Variants in EPHA6 observed in about 807,000 individuals in gnomAD.
The protein encoded by EPHA6 is EPH receptor A6, also known as ephrin type-A receptor 6.
In EPHA6, 50 loss-of-function variants were observed where a neutral mutation model predicts 112.0. That is an observed-to-expected ratio of 0.45 (90% CI 0.36 to 0.56). The LOEUF is 0.56. Ranked by LOEUF, EPHA6 falls within the 20% of genes least tolerant of loss-of-function variation. The pLI is 0.00. For missense variants in EPHA6, 1,280 were observed against 1,417.4 expected, an observed-to-expected ratio of 0.90 and a Z score of 1.56; for synonymous variants, 529 against 490.7, an observed-to-expected ratio of 1.08 and a Z score of -1.03.
At chr3:97,614,913 A>G (rs1160834565) in intron 13 of EPHA6, among the ~76,000 whole-genome samples, 1 of 152,136 alleles carries the variant, frequency 6.6e-6, no homozygotes, top group Non-Finnish European at 1.5e-5. Context: ...AATTTTGGTC[A>G]TGTTGCATTT....
intron 2 of EPHA6, 126 bp downstream of exon 2, chr3:96,867,015 A>C (rs1559785242): frequency 4.2e-6 from 2 of 472,910 alleles, no homozygotes; most frequent in Non-Finnish European, 3.7e-6. Context: ...CATCCCATAG[A>C]AAAGGTTAAA....
At chr3:97,409,503 G>A (rs1227837698) in intron 6 of EPHA6, among the ~76,000 whole-genome samples, 1 of 152,030 alleles carries the variant, frequency 6.6e-6, no homozygotes, top group Non-Finnish European at 1.5e-5. Flanking sequence ...TGTTAAAACT[G>A]GCCATCATAC....
At chr3:97,039,580 A>G (rs1299810255) in intron 3 of EPHA6, among the ~76,000 whole-genome samples, 2 of 152,002 alleles carry the variant, frequency 1.3e-5, no homozygotes, top group African/African-American at 2.4e-5. Flanking sequence ...GTGGAATATT[A>G]TGAGTATATG....
At chr3:97,525,844 G>C (rs2092611234) in intron 10 of EPHA6, among the ~76,000 whole-genome samples, 1 of 152,122 alleles carries the variant, frequency 6.6e-6, no homozygotes, top group Non-Finnish European at 1.5e-5. Context: ...CTTTGGGTCT[G>C]GATCTGGGAT....
intron 2 of EPHA6, among the ~76,000 whole-genome samples, chr3:96,976,092 A>G (rs573620878): frequency 8.7e-4 from 132 of 152,310 alleles, no homozygotes; most frequent in African/African-American, 3.2e-3. Flanking sequence ...TTGTACATTT[A>G]CCAGGTTTAT....
intron 11 of EPHA6, among the ~76,000 whole-genome samples, chr3:97,591,284 T>C (rs1013797650): frequency 1.3e-5 from 2 of 152,194 alleles, no homozygotes; most frequent in African/African-American, 4.8e-5. Flanking sequence ...TCTTTACCAA[T>C]AACGTTCTCC....
intron 2 of EPHA6, among the ~76,000 whole-genome samples, chr3:96,936,682 A>T (rs976490054): frequency 5.9e-5 from 9 of 152,142 alleles, no homozygotes; most frequent in African/African-American, 2.2e-4. Context: ...ATACGTACAC[A>T]TGTGCCATGT....
At chr3:97,145,655 A>G (rs1270010740) in intron 3 of EPHA6, among the ~76,000 whole-genome samples, 1 of 151,680 alleles carries the variant, frequency 6.6e-6, no homozygotes, top group African/African-American at 2.4e-5. Flanking sequence ...GAATTTGACA[A>G]TTCTCAATGA....
chr3:97,522,210 CTGGGAAGTGTTAATTGT>C (rs1275739656), intron 10 of EPHA6, among the ~76,000 whole-genome samples: 2 of 152,190 alleles, frequency 1.3e-5, no homozygotes, highest in Non-Finnish European at 1.5e-5. Flanking sequence ...CCATGCCCAG[CTGGGAAGTGTTAATTGT>C]TGCTCCAAGA....
At chr3:97,057,593 C>T (rs1234116267) in intron 3 of EPHA6, among the ~76,000 whole-genome samples, 1 of 152,148 alleles carries the variant, frequency 6.6e-6, no homozygotes, top group Non-Finnish European at 1.5e-5. Context: ...GAGGCGAATA[C>T]ACAGAGTAAA....
rs991596781 is a variant in EPHA6 at position 97,599,748 on chromosome 3, G to A, written c.2512+7011G>A. On this transcript the variant is annotated intron_variant, in intron 12 of 17. Coordinates refer to ENST00000389672, the MANE Select transcript of EPHA6 (RefSeq NM_001080448.3). ...TGGCTTAGGATTGACTTGGTGATGC[G>A]GGCTCCTTTTTGGTTCCATATGAAC... Among the ~76,000 whole-genome samples the A allele has an allele frequency of 3.1e-3, 467 of 152,158 alleles. 2 individuals are homozygous for A. Among genetic ancestry groups the A allele is most frequent in the Non-Finnish European group, 5.6e-3 (378 of 68,002 alleles).
At chr3:97,324,889 T>C (rs2082346777) in intron 5 of EPHA6, among the ~76,000 whole-genome samples, 1 of 152,108 alleles carries the variant, frequency 6.6e-6, no homozygotes. Flanking sequence ...TACACTGATG[T>C]GTAAATGTCT....
At chr3:96,883,413 GTT>G (rs1393635182) in intron 2 of EPHA6, among the ~76,000 whole-genome samples, 2 of 152,098 alleles carry the variant, frequency 1.3e-5, no homozygotes, top group Non-Finnish European at 2.9e-5. Flanking sequence ...AAGCTCTTTA[GTT>G]TAATTAGGTC....
At chr3:97,071,595 A>T (rs1333275066) in intron 3 of EPHA6, among the ~76,000 whole-genome samples, 2 of 152,018 alleles carry the variant, frequency 1.3e-5, no homozygotes, top group Non-Finnish European at 2.9e-5. Flanking sequence ...CTATCAGGAG[A>T]ATAGCATGAG....
At chr3:96,947,771 A>C (rs961070832) in intron 2 of EPHA6, among the ~76,000 whole-genome samples, 4 of 152,230 alleles carry the variant, frequency 2.6e-5, no homozygotes, top group African/African-American at 9.6e-5. Flanking sequence ...ATGGAAGAAC[A>C]TTCCATGCTC....
chr3:97,619,460 G>A (rs184102975), intron 13 of EPHA6, among the ~76,000 whole-genome samples: 116 of 145,842 alleles, frequency 8.0e-4, no homozygotes, highest in African/African-American at 2.3e-3. Flanking sequence ...CAAATAGGAA[G>A]AGAGGAAGTC....
chr3:97,090,631 G>C (rs2047034720), intron 3 of EPHA6, among the ~76,000 whole-genome samples: 2 of 152,136 alleles, frequency 1.3e-5, no homozygotes, highest in South Asian at 4.1e-4. Context: ...TTTGACAAGA[G>C]AAACACCTAT....
intron 11 of EPHA6, among the ~76,000 whole-genome samples, chr3:97,569,099 G>A (rs765521963): frequency 1.3e-5 from 2 of 152,150 alleles, no homozygotes; most frequent in Non-Finnish European, 2.9e-5. Flanking sequence ...CCCAAATCAA[G>A]TCAGGTCAGA....
At chr3:97,435,281 G>A (rs1357975409) in intron 6 of EPHA6, among the ~76,000 whole-genome samples, 1 of 152,102 alleles carries the variant, frequency 6.6e-6, no homozygotes, top group Admixed American at 6.6e-5. Context: ...TTAAAAATAT[G>A]TATTTTCAGT....
Sources: allele counts gnomAD v4.1 joint callset (sites outside exome capture counted in the v4.1 genomes callset), GRCh38; gene constraint gnomAD v4.1.1; transcripts MANE v1.5; gene names NCBI Gene and HGNC (gene_info 2026-07-23, HGNC 2026-07-21).